DCK: variants seen among roughly 807,000 people sequenced by gnomAD.
The protein encoded by DCK is deoxyadenosine kinase.
A neutral mutation model predicts 38.3 loss-of-function variants in DCK; 23 were observed. The observed-to-expected ratio is 0.60, with a 90% CI of 0.43 to 0.85. The LOEUF is 0.85. DCK is among the 40% of genes least tolerant of loss of function. DCK has a pLI of 0.00. For synonymous variants in DCK, 108 were observed against 100.6 expected, an observed-to-expected ratio of 1.07 and a Z score of -0.44; for missense variants, 259 against 304.4, an observed-to-expected ratio of 0.85 and a Z score of 1.11.
intron 2 of DCK, among the ~76,000 whole-genome samples, chr4:71,006,780 C>G (rs7691350): frequency 6.6e-6 from 1 of 151,884 alleles, no homozygotes; most frequent in South Asian, 2.1e-4. Flanking sequence ...TGTACTCTAG[C>G]CTGAGTGACA....
At chr4:71,005,464 T>TA (rs966182546) in intron 2 of DCK, among the ~76,000 whole-genome samples, 2 of 151,994 alleles carry the variant, frequency 1.3e-5, no homozygotes, top group Non-Finnish European at 2.9e-5. Flanking sequence ...ATAAAAGTTT[T>TA]AAAAAATCTA....
intron 2 of DCK, among the ~76,000 whole-genome samples, chr4:71,004,089 T>C (rs1269716172): frequency 6.6e-6 from 1 of 152,260 alleles, no homozygotes; most frequent in Non-Finnish European, 1.5e-5. Flanking sequence ...TTCATCTTTG[T>C]GGATTTATCT....
At position 71,026,696 on chromosome 4, in the gene DCK, A is replaced by C. The variant is rs766322484; in HGVS notation, c.697A>C (p.Ile233Leu). Residue 233 changes from isoleucine (I) to leucine (L), a missense_variant, in exon 6 of 7, where the codon ATC (isoleucine) becomes CTC (leucine). Ile to Leu is a conservative substitution (Grantham distance 5). This residue lies in a region of DCK where 82 missense variants were observed against 103.8 expected (regional missense o/e 0.79). Transcript: ENST00000286648. ...CTTCGATTATCTTCAAGAGGTGCCT[A>C]TCTTAACACTGGATGTTAATGAAGA... Reference protein sequence around the residue: ...TNFDYLQEVPILTLDVNEDFK... With the variant: ...TNFDYLQEVPLLTLDVNEDFK... The C allele has an allele frequency of 6.3e-7, 1 of 1,581,694 alleles. No individual in the cohort carries two copies. Among genetic ancestry groups the C allele is most frequent in the East Asian group, 2.3e-5 (1 of 44,440 alleles).
intron 2 of DCK, chr4:71,006,402 G>A (rs901481570): frequency 2.5e-5 from 9 of 365,712 alleles, no homozygotes; most frequent in African/African-American, 4.4e-5. Context: ...TAAGATTTTC[G>A]TTTCTGGAGA....
At chr4:71,017,243 C>G (rs1042685795) in intron 2 of DCK, among the ~76,000 whole-genome samples, 2 of 152,212 alleles carry the variant, frequency 1.3e-5, no homozygotes, top group African/African-American at 4.8e-5. Flanking sequence ...CCCTCTCACA[C>G]CAGTTAGAAT....
At chr4:70,995,009 T>C (rs1051155268) in intron 1 of DCK, among the ~76,000 whole-genome samples, 10 of 152,308 alleles carry the variant, frequency 6.6e-5, no homozygotes, top group African/African-American at 1.9e-4. Context: ...CAGCAAATTT[T>C]TTAAAATTCT....
intron 2 of DCK, among the ~76,000 whole-genome samples, chr4:71,007,650 GA>G (rs1739980675): frequency 6.6e-6 from 1 of 152,178 alleles, no homozygotes; most frequent in Non-Finnish European, 1.5e-5. Context: ...ATACATTTAT[GA>G]AATTTGTCCA....
At chr4:71,015,735 C>G (rs941836815) in intron 2 of DCK, among the ~76,000 whole-genome samples, 5 of 152,102 alleles carry the variant, frequency 3.3e-5, no homozygotes, top group South Asian at 2.1e-4. Context: ...ACTCAACAAC[C>G]CTTATGCTAA....
chr4:71,019,875 C>T (rs867622318), intron 2 of DCK, among the ~76,000 whole-genome samples: 2 of 152,114 alleles, frequency 1.3e-5, no homozygotes, highest in Admixed American at 6.5e-5. Context: ...CAACTTCTGC[C>T]TCCCCAGTTC....
intron 2 of DCK, chr4:71,006,362 G>A (rs1475783803): frequency 5.5e-6 from 4 of 728,534 alleles, no homozygotes; most frequent in Non-Finnish European, 6.7e-6. Context: ...ATACCAAAAT[G>A]TATGGTTGTA....
intron 1 of DCK, 51 bp from the exon 2 acceptor site, chr4:70,998,016 C>T: frequency 1.0e-6 from 1 of 972,632 alleles, no homozygotes; most frequent in Non-Finnish European, 1.6e-6. Context: ...TACTTGACAT[C>T]TTTTTTTCCT....
intron 2 of DCK, among the ~76,000 whole-genome samples, chr4:71,002,323 T>C (rs555799025): frequency 1.3e-5 from 2 of 152,364 alleles, no homozygotes; most frequent in East Asian, 3.9e-4. Context: ...TGCACTGTGG[T>C]CTGACAGACT....
At chr4:71,017,005 A>G (rs1053868396) in intron 2 of DCK, among the ~76,000 whole-genome samples, 1 of 152,236 alleles carries the variant, frequency 6.6e-6, no homozygotes, top group African/African-American at 2.4e-5. Context: ...CAACCTACAG[A>G]ATGGGAGAAA....
intron 2 of DCK, among the ~76,000 whole-genome samples, chr4:71,013,655 A>T (rs1400826484): frequency 1.3e-5 from 2 of 152,174 alleles, no homozygotes; most frequent in Admixed American, 1.3e-4. Flanking sequence ...TATCCAGCCA[A>T]ACTAAACTTC....
chr4:71,004,507 C>G (rs150763656), intron 2 of DCK, among the ~76,000 whole-genome samples: 6 of 152,364 alleles, frequency 3.9e-5, no homozygotes, highest in Middle Eastern at 3.4e-3. Flanking sequence ...TTCCACTGCT[C>G]TCTTCAGAGC....
intron 3 of DCK, 143 bp from the exon 4 acceptor site, chr4:71,023,416 G>A: frequency 3.4e-6 from 2 of 587,086 alleles, no homozygotes; most frequent in Non-Finnish European, 5.8e-6. Flanking sequence ...AAAACATGAT[G>A]GAAAGACTCT....
intron 2 of DCK, among the ~76,000 whole-genome samples, chr4:71,020,707 G>A (rs1740393436): frequency 6.6e-6 from 1 of 151,912 alleles, no homozygotes; most frequent in Middle Eastern, 3.2e-3. Context: ...TTGTTTGTTT[G>A]TTTAGAATTA....
intron 2 of DCK, among the ~76,000 whole-genome samples, chr4:70,999,798 G>T (rs529784183): frequency 1.3e-3 from 204 of 151,994 alleles, no homozygotes; most frequent in African/African-American, 4.8e-3. Context: ...TTTCATGTTT[G>T]TTGGCTGCAT....
At chr4:70,999,531 A>G (rs997764238) in intron 2 of DCK, among the ~76,000 whole-genome samples, 1 of 152,216 alleles carries the variant, frequency 6.6e-6, no homozygotes, top group African/African-American at 2.4e-5. Flanking sequence ...CTTTGGGTAT[A>G]TACCCAGTAA....
Sources: allele counts gnomAD v4.1 joint callset (sites outside exome capture counted in the v4.1 genomes callset), GRCh38; gene constraint gnomAD v4.1.1; regional missense constraint gnomAD v4.1.1; transcripts MANE v1.5; gene names NCBI Gene and HGNC (gene_info 2026-07-23, HGNC 2026-07-21).